TJP2: variants seen among roughly 807,000 people sequenced by gnomAD.
TJP2 encodes the protein Friedreich ataxia region gene X104 (tight junction protein ZO-2).
In TJP2, 91 loss-of-function variants were observed where a neutral mutation model predicts 133.1. The observed-to-expected ratio is 0.68, with a 90% CI of 0.58 to 0.81. The LOEUF (loss-of-function observed/expected upper bound fraction) is 0.81, where lower values mean the gene tolerates loss of function less well. TJP2 is among the 40% of genes least tolerant of loss of function. The probability of loss-of-function intolerance (pLI) is 0.00; values close to 1 mark genes in which losing one functional copy is unlikely to be tolerated. For missense variants in TJP2, 1,541 were observed against 1,565.6 expected, an observed-to-expected ratio of 0.98 and a Z score of 0.26; for synonymous variants, 592 against 583.4, an observed-to-expected ratio of 1.01 and a Z score of -0.21.
chr9:69,212,631 A>T, intron 2 of TJP2, 30 bp downstream of exon 2: 1 of 1,565,990 alleles, frequency 6.4e-7, no homozygotes, highest in Non-Finnish European at 8.8e-7. Flanking sequence ...TATATTCTAC[A>T]GTCATGTTCT....
intron 2 of TJP2, among the ~76,000 whole-genome samples, chr9:69,153,889 A>G (rs1823609335): frequency 6.6e-6 from 1 of 152,188 alleles, no homozygotes; most frequent in African/African-American, 2.4e-5. Context: ...GGGACGAATC[A>G]GCCTTGGGTG....
At chr9:69,192,269 A>G (rs188938135) in intron 1 of TJP2, among the ~76,000 whole-genome samples, 111 of 151,978 alleles carry the variant, frequency 7.3e-4, no homozygotes, top group African/African-American at 2.6e-3. Context: ...GCAACATAGC[A>G]AGAACTTGTA....
At position 69,221,390 on chromosome 9, in the gene TJP2, C is replaced by T; in HGVS notation, c.846C>T (p.Pro282=). The part of the protein sequence containing the change: ...GARHDARSRG[P]RSRSREHPHS... ...GCCACGATGCCCGCTCTCGGGGACCCCGAAGCCGCAGCCGCGAGCACCCGC... is the reference window on the plus strand; with the variant it reads ...GCCACGATGCCCGCTCTCGGGGACCTCGAAGCCGCAGCCGCGAGCACCCGC... Residue 282 remains proline, a synonymous_variant, in exon 5 of 23, where the codon CCC becomes CCT. Coordinates refer to ENST00000377245, the MANE Select transcript of TJP2 (RefSeq NM_004817.4). 6.3e-7 allele frequency: 1 copy of T among 1,581,512 alleles called. No homozygotes were observed. Among genetic ancestry groups the T allele is most frequent in the Non-Finnish European group, 8.6e-7 (1 of 1,164,466 alleles).
At chr9:69,171,187 G>T (rs1380342901), upstream of TJP2, among the ~76,000 whole-genome samples, 1 of 152,114 alleles carries the variant, frequency 6.6e-6, no homozygotes, top group Non-Finnish European at 1.5e-5. Context: ...GAGAGTCAGC[G>T]TAGGCTCACT....
intron 22 of TJP2, chr9:69,253,517 A>G (rs1195638158): frequency 6.3e-6 from 1 of 158,118 alleles, no homozygotes; most frequent in African/African-American, 2.4e-5. Flanking sequence ...CACTGGTGCA[A>G]TCTCAGCTCA....
Position 69,137,239 on chromosome 9 carries a change from T to TTCTC in TJP2, c.-130-14404_-130-14401dup, listed in dbSNP as rs147892355. Among the ~76,000 whole-genome samples, 60 of 89,694 alleles carry TTCTC rather than the reference T, an allele frequency of 6.7e-4. 1 individual carries two copies. Among genetic ancestry groups the TTCTC allele is most frequent in the African/African-American group, 2.4e-3 (55 of 22,910 alleles). 58.8% of individuals were successfully genotyped at this position (89,694 alleles called of 152,430 possible). A position where few individuals can be genotyped will look rare whatever the true frequency, so the allele number is the denominator to read the frequency against. On this transcript the variant is annotated intron_variant, in intron 1 of 5. Coordinates refer to the TJP2 transcript ENST00000423935. ...TTGTTTTCTTTCCTTCTTTCTTTCT[T>TTCTC]TCTCTCTCTCTTTCTTTCTTTCTTT...
chr9:69,251,079 C>T lies in TJP2; in HGVS notation c.3036C>T (p.Ser1012=). ...NKEESYDFSK[S]YEYKSNPSAV... ...AAGAATCCTATGACTTCTCCAAATC[C>T]TATGAATATAAGTCAAACCCCTCTG... The change falls in exon 21 of 23, where the codon TCC becomes TCT. Residue 1012 remains serine (S), a synonymous_variant. Coordinates refer to ENST00000377245, the MANE Select transcript of TJP2 (RefSeq NM_004817.4). The T allele has an allele frequency of 9.3e-6, 15 of 1,614,210 alleles. 1 individual carries two copies. The highest frequency in any genetic ancestry group is 1.3e-5 in the Non-Finnish European group (15 of 1,180,036).
In TJP2 at chr9:69,166,383, G is replaced by A. The variant is rs570791398; in HGVS notation, c.-10+14612G>A. 5.3e-4 allele frequency among the ~76,000 whole-genome samples: 80 copies of A among 152,144 alleles called. 1 individual carries two copies. The highest frequency in any genetic ancestry group is 2.8e-3 in the Admixed American group (43 of 15,280). On this transcript the variant is annotated intron_variant, in intron 2 of 5. Coordinates refer to the TJP2 transcript ENST00000423935. ...CTCCCAAAGTGCTGGGATTACAGGCGTGAGCCATCTGCCTAACCTTATTTA... is the reference window on the plus strand; with the variant it reads ...CTCCCAAAGTGCTGGGATTACAGGCATGAGCCATCTGCCTAACCTTATTTA...
chr9:69,252,434 T>A (rs1473831277), intron 21 of TJP2, among the ~76,000 whole-genome samples: 1 of 152,154 alleles, frequency 6.6e-6, no homozygotes, highest in Non-Finnish European at 1.5e-5. Context: ...CTCACCACTC[T>A]CCTCTCCCCG....
chr9:69,129,929 C>G (rs547410185), intron 1 of TJP2, among the ~76,000 whole-genome samples: 2 of 149,850 alleles, frequency 1.3e-5, no homozygotes, highest in African/African-American at 2.5e-5. Flanking sequence ...GCAAGAAAAT[C>G]GCCTGAACCC....
rs368077726 is a variant in TJP2 at position 69,220,387 on chromosome 9, C to T, written c.343-500C>T. Among the ~76,000 whole-genome samples, 119 of 152,146 alleles carry T rather than the reference C, an allele frequency of 7.8e-4. 2 individuals are homozygous for T. In the South Asian group the frequency reaches 0.019, roughly 24 times the overall value. ...AATTGTCTTTTCTTTATGGTAGAAA[C>T]GTTCAGATTATTTTCTTCCAGCTAT... is the stretch of plus-strand genomic sequence containing the variant. On this transcript the variant is annotated intron_variant, in intron 4 of 22. Transcript: ENST00000377245.
chr9:69,176,347 G>A (rs1825087803), intron 1 of TJP2, among the ~76,000 whole-genome samples: 1 of 152,074 alleles, frequency 6.6e-6, no homozygotes, highest in African/African-American at 2.4e-5. Context: ...GAACAAAACG[G>A]GTGCTGAAAA....
chr9:69,231,139 T>A (rs1042510052), intron 11 of TJP2, among the ~76,000 whole-genome samples: 5 of 152,104 alleles, frequency 3.3e-5, no homozygotes, highest in Non-Finnish European at 7.4e-5. Flanking sequence ...TTTGACAGTC[T>A]CGCTCTGTCA....
chr9:69,123,881 A>G lies in TJP2; in HGVS notation c.-131+2156A>G, dbSNP rs1476563493. Among the ~76,000 whole-genome samples, 55 of 74,814 alleles carry G rather than the reference A, an allele frequency of 7.4e-4. 21 individuals are homozygous for G. The highest frequency in any genetic ancestry group is 2.2e-3 in the African/African-American group (55 of 24,576). 49.1% of individuals were successfully genotyped at this position (74,814 alleles called of 152,430 possible). A position where few individuals can be genotyped will look rare whatever the true frequency, so the allele number is the denominator to read the frequency against. On this transcript the variant is annotated intron_variant, in intron 1 of 5. Transcript: ENST00000423935. Reference sequence around the variant, plus strand: ...TTATTTTATTTTATTTTATTTATTTATTTTGAGACGGAGTCTCGCTCTGTC... The same window carrying G: ...TTATTTTATTTTATTTTATTTATTTGTTTTGAGACGGAGTCTCGCTCTGTC...
At chr9:69,253,217 C>A in intron 22 of TJP2, 2 of 382,690 alleles carry the variant, frequency 5.2e-6, no homozygotes, top group East Asian at 1.1e-4. Flanking sequence ...ACGGCTTAGA[C>A]CTGTTTTGTC....
At position 69,154,207 on chromosome 9, in the gene TJP2, C is replaced by T. The variant is rs556793608; in HGVS notation, c.-10+2436C>T. 8.5e-5 allele frequency among the ~76,000 whole-genome samples: 13 copies of T among 152,270 alleles called. No individual in the cohort carries two copies. The South Asian group carries it at 1.2e-3, about 15-fold the overall frequency. On this transcript the variant is annotated intron_variant, in intron 2 of 5. Coordinates refer to the TJP2 transcript ENST00000423935. ...TGAAGACTTAACTCCTTAACTCAGA[C>T]GAGTAAAAAGGTTTCTCTCTAAGGC...
chr9:69,148,887 C>T (rs1296160238), intron 1 of TJP2, among the ~76,000 whole-genome samples: 1 of 152,294 alleles, frequency 6.6e-6, no homozygotes, highest in South Asian at 2.1e-4. Flanking sequence ...CCAGTGCTAA[C>T]TCGGTTTCAG....
intron 1 of TJP2, among the ~76,000 whole-genome samples, chr9:69,139,494 C>G (rs959259399): frequency 6.6e-6 from 1 of 152,090 alleles, no homozygotes; most frequent in African/African-American, 2.4e-5. Flanking sequence ...ATGGGCCTTC[C>G]CAAGCCAGAG....
At chr9:69,238,555 AT>A (rs1161238293) in intron 15 of TJP2, among the ~76,000 whole-genome samples, 154 bp from the exon 16 acceptor site, 17 of 152,288 alleles carry the variant, frequency 1.1e-4, no homozygotes, top group African/African-American at 4.1e-4. Context: ...TCATGATTAG[AT>A]TTCCACTAAG....
Sources: allele counts gnomAD v4.1 joint callset (sites outside exome capture counted in the v4.1 genomes callset), GRCh38; gene constraint gnomAD v4.1.1; transcripts MANE v1.5; gene names NCBI Gene and HGNC (gene_info 2026-07-23, HGNC 2026-07-21).